The following MAST4 variants were observed in gnomAD, a reference collection of about 807,000 sequenced individuals.
MAST4 encodes microtubule-associated serine/threonine-protein kinase 4.
Under a neutral mutation model 162.7 loss-of-function variants are expected in MAST4, and 89 were observed. That is an observed-to-expected ratio of 0.55 (90% CI 0.46 to 0.65). The LOEUF is 0.65. MAST4 is among the 30% of genes least tolerant of loss of function. MAST4 has a pLI of 0.00. For missense variants in MAST4, 3,153 were observed against 3,374.0 expected, an observed-to-expected ratio of 0.93 and a Z score of 1.62; for synonymous variants, 1,479 against 1,361.1, an observed-to-expected ratio of 1.09 and a Z score of -1.91.
intron 13 of MAST4, among the ~76,000 whole-genome samples, chr5:67,119,280 G>A (rs1050533665): frequency 1.3e-5 from 2 of 152,080 alleles, no homozygotes; most frequent in Admixed American, 6.6e-5. Context: ...AGTGCAGAAA[G>A]CAATGGGCTG....
In MAST4 at chr5:67,115,492, G is replaced by T. The variant is rs566217219; in HGVS notation, c.1591+1273G>T. ...TGAAATGATGCATGCATTACTGTGA[G>T]ATAATGCCAGATAAATTTATACTGT... is the stretch of plus-strand genomic sequence containing the variant. On this transcript the variant is annotated intron_variant, in intron 12 of 28. Coordinates refer to ENST00000403625, the MANE Select transcript of MAST4 (RefSeq NM_001164664.2). Among the ~76,000 whole-genome samples the T allele has an allele frequency of 2.0e-5, 3 of 152,302 alleles. No individual in the cohort carries two copies. The South Asian group carries it at 6.2e-4, about 32-fold the overall frequency.
At chr5:66,793,054 G>C (rs1755492035) in intron 3 of MAST4, among the ~76,000 whole-genome samples, 1 of 152,206 alleles carries the variant, frequency 6.6e-6, no homozygotes, top group African/African-American at 2.4e-5. Flanking sequence ...AGGTTTGGTA[G>C]GTATGAATTT....
intron 4 of MAST4, among the ~76,000 whole-genome samples, chr5:66,973,921 C>T (rs1263254892): frequency 6.6e-6 from 1 of 152,176 alleles, no homozygotes; most frequent in Non-Finnish European, 1.5e-5. Context: ...CAGTGGGAAG[C>T]AGAAGCTCTT....
rs1165686265 is a variant in MAST4 at position 66,813,140 on chromosome 5, AATCTTGCTCAATAT to A, written c.642+24349_642+24362del. Among the ~76,000 whole-genome samples the A allele has an allele frequency of 2.6e-5, 4 of 152,330 alleles. No individual in the cohort carries two copies. The East Asian group carries it at 7.7e-4, about 29-fold the overall frequency. On this transcript the variant is annotated intron_variant, in intron 3 of 28. Transcript: ENST00000403625. Reference sequence around the variant, plus strand: ...TTCCTGACAAAAAATATTCTTAGGAAATCTTGCTCAATATATAGTTATTAACTTTTTATCACTTT... The same window carrying A: ...TTCCTGACAAAAAATATTCTTAGGAAATAGTTATTAACTTTTTATCACTTT...
intron 21 of MAST4, 153 bp downstream of exon 21, chr5:67,142,686 C>T (rs1054500911): frequency 1.6e-6 from 1 of 606,378 alleles, no homozygotes; most frequent in African/African-American, 1.9e-5. Flanking sequence ...GTGACCTCCT[C>T]AACTTATAGT....
At chr5:66,723,304 C>G (rs1751328849) in intron 1 of MAST4, among the ~76,000 whole-genome samples, 1 of 152,134 alleles carries the variant, frequency 6.6e-6, no homozygotes, top group Non-Finnish European at 1.5e-5. Context: ...AATGATTCTT[C>G]CTAAACACAG....
chr5:67,116,484 G>T (rs1323994873), intron 12 of MAST4, among the ~76,000 whole-genome samples: 1 of 151,764 alleles, frequency 6.6e-6, no homozygotes, highest in Non-Finnish European at 1.5e-5. Context: ...GGGATTACAG[G>T]CGTGAGCCAC....
Position 67,167,232 on chromosome 5 carries a change from A to T in MAST4, c.*181A>T, listed in dbSNP as rs1390508675. ...TCTTCCAGATGCCTTCCCAGTTGTAACCGGTAAAACTGTTACCAGATAGTG... is the reference window on the plus strand; with the variant it reads ...TCTTCCAGATGCCTTCCCAGTTGTATCCGGTAAAACTGTTACCAGATAGTG... On this transcript the variant is annotated 3_prime_UTR_variant, in exon 29 of 29. Coordinates refer to ENST00000403625, the MANE Select transcript of MAST4 (RefSeq NM_001164664.2). The T allele has an allele frequency of 3.8e-6, 1 of 261,996 alleles. No individual in the cohort carries two copies. The highest frequency in any genetic ancestry group is 2.4e-5 in the African/African-American group (1 of 41,134). 16.2% of individuals were successfully genotyped at this position (261,996 alleles called of 1,614,324 possible).
At chr5:66,856,138 T>G (rs1759666862) in intron 3 of MAST4, among the ~76,000 whole-genome samples, 1 of 152,096 alleles carries the variant, frequency 6.6e-6, no homozygotes, top group African/African-American at 2.4e-5. Context: ...CCAGCCTGGG[T>G]GACAGAGCAA....
intron 4 of MAST4, chr5:66,986,583 AAT>A (rs1252410366): frequency 1.1e-5 from 5 of 449,542 alleles, no homozygotes; most frequent in East Asian, 6.7e-5. Context: ...ATATATTAAA[AAT>A]ATATATGTAT....
At chr5:66,723,509 TTTAAACAATGGC>T (rs1274381768) in intron 1 of MAST4, among the ~76,000 whole-genome samples, 1 of 152,204 alleles carries the variant, frequency 6.6e-6, no homozygotes, top group Non-Finnish European at 1.5e-5. Flanking sequence ...TTCTGGAATT[TTTAAACAATGGC>T]ATCAAACCTA....
chr5:67,129,168 A>G (rs2150985005), intron 14 of MAST4, among the ~76,000 whole-genome samples: 1 of 152,300 alleles, frequency 6.6e-6, no homozygotes, highest in Non-Finnish European at 1.5e-5. Flanking sequence ...GAGAACAGAA[A>G]TACAGCTCCA....
chr5:67,134,329 C>T (rs375826504), intron 17 of MAST4, among the ~76,000 whole-genome samples, 194 bp from the exon 18 acceptor site: 7 of 152,008 alleles, frequency 4.6e-5, no homozygotes, highest in Admixed American at 1.3e-4. Flanking sequence ...GTAAACTTCC[C>T]GTCTTTGGTA....
At chr5:67,045,730 A>C (rs879864684) in intron 4 of MAST4, among the ~76,000 whole-genome samples, 1 of 152,352 alleles carries the variant, frequency 6.6e-6, no homozygotes, top group South Asian at 2.1e-4. Context: ...ATACGCTCCA[A>C]TTAGCAGCAG....
intron 4 of MAST4, among the ~76,000 whole-genome samples, chr5:66,987,484 G>C (rs962066369): frequency 6.6e-6 from 1 of 151,822 alleles, no homozygotes; most frequent in Non-Finnish European, 1.5e-5. Context: ...TGCAGGTTCA[G>C]AGAAACTTCT....
chr5:66,609,897 C>CT (rs1743181239), intron 1 of MAST4, among the ~76,000 whole-genome samples: 1 of 151,962 alleles, frequency 6.6e-6, no homozygotes, highest in Admixed American at 6.5e-5. Flanking sequence ...TGGCATATAT[C>CT]TGTGCTTTAG....
chr5:66,723,565 T>C (rs1326471569), intron 1 of MAST4, among the ~76,000 whole-genome samples: 1 of 152,194 alleles, frequency 6.6e-6, no homozygotes, highest in Admixed American at 6.6e-5. Context: ...TTTTTTATTT[T>C]TGATCACATA....
At chr5:67,013,746 A>T (rs1207161339) in intron 4 of MAST4, among the ~76,000 whole-genome samples, 1 of 152,194 alleles carries the variant, frequency 6.6e-6, no homozygotes, top group Admixed American at 6.5e-5. Context: ...ATAATAATTT[A>T]AAAAGTATAA....
At chr5:67,148,174 A>G (rs887079585) in intron 23 of MAST4, among the ~76,000 whole-genome samples, 1 of 152,216 alleles carries the variant, frequency 6.6e-6, no homozygotes, top group Non-Finnish European at 1.5e-5. Context: ...AGGATCATTT[A>G]TAGTGGTGTT....
Sources: allele counts gnomAD v4.1 joint callset (sites outside exome capture counted in the v4.1 genomes callset), GRCh38; gene constraint gnomAD v4.1.1; transcripts MANE v1.5; gene names NCBI Gene and HGNC (gene_info 2026-07-23, HGNC 2026-07-21).